Variants in UBE3C observed in about 807,000 individuals in gnomAD.
The protein encoded by UBE3C is ubiquitin-protein ligase E3C.
Under a neutral mutation model 129.4 loss-of-function variants are expected in UBE3C, and 42 were observed. The ratio of observed to expected loss-of-function variants is 0.32; its 90% CI spans 0.25 to 0.42. UBE3C has a LOEUF of 0.42. Ranked by LOEUF, UBE3C falls within the 10% of genes least tolerant of loss-of-function variation. The pLI is 1.00. For missense variants in UBE3C, 1,049 were observed against 1,319.1 expected (o/e 0.80, Z 3.17); for synonymous variants, 510 against 492.4 (o/e 1.04, Z -0.47).
chr7:157,257,338 C>T (rs572587519), intron 22 of UBE3C, among the ~76,000 whole-genome samples: 1 of 152,110 alleles, frequency 6.6e-6, no homozygotes, highest in Non-Finnish European at 1.5e-5. Flanking sequence ...AATAATGTCT[C>T]ATAAATCTGT....
Position 157,160,321 on chromosome 7 carries a change from G to A in UBE3C, c.67-3489G>A, listed in dbSNP as rs185146776. ...AACTCCTGACCTCAGGCGATCTGCC[G>A]GCCTTGGCCTCCCAAAGTACTGGGA... On this transcript the variant is annotated intron_variant, in intron 1 of 22. Coordinates refer to ENST00000348165, the MANE Select transcript of UBE3C (RefSeq NM_014671.3). Among the ~76,000 whole-genome samples, 53 of 152,118 alleles carry A rather than the reference G, an allele frequency of 3.5e-4. 1 individual carries two copies. The highest frequency in any genetic ancestry group is 3.4e-3 in the Middle Eastern group (1 of 294).
intron 6 of UBE3C, among the ~76,000 whole-genome samples, chr7:157,179,111 T>C (rs1296044642): frequency 4.0e-5 from 6 of 151,148 alleles, no homozygotes; most frequent in Non-Finnish European, 8.9e-5. Flanking sequence ...AATTGACATA[T>C]GCTTTCATCA....
chr7:157,184,057 G>A (rs754343076), intron 9 of UBE3C, 28 bp downstream of exon 9: 9 of 1,607,892 alleles, frequency 5.6e-6, no homozygotes, highest in East Asian at 4.5e-5. Flanking sequence ...CATCTGGGGG[G>A]CTGCGATGCA....
intron 2 of UBE3C, among the ~76,000 whole-genome samples, chr7:157,166,215 C>A (rs1023637681): frequency 2.0e-5 from 3 of 152,148 alleles, no homozygotes; most frequent in Non-Finnish European, 2.9e-5. Flanking sequence ...TGGATTATTT[C>A]AAAAGACCTG....
chr7:157,211,862 T>C (rs780756114), intron 13 of UBE3C, among the ~76,000 whole-genome samples: 8 of 152,142 alleles, frequency 5.3e-5, no homozygotes, highest in Non-Finnish European at 8.8e-5. Flanking sequence ...GAAGGAGACA[T>C]GCATTCAGCT....
chr7:157,212,543 CG>C (rs946207200), intron 13 of UBE3C, among the ~76,000 whole-genome samples: 4 of 152,246 alleles, frequency 2.6e-5, no homozygotes, highest in Non-Finnish European at 5.9e-5. Flanking sequence ...TCAAACATAG[CG>C]ATCTTGTGAA....
rs952773422 is a variant in UBE3C at position 157,185,289 on chromosome 7, C to T, written c.1143+1260C>T. 3.9e-5 allele frequency among the ~76,000 whole-genome samples: 6 copies of T among 152,340 alleles called. No homozygotes were observed. In the South Asian group the frequency reaches 8.3e-4, roughly 21 times the overall value. On this transcript the variant is annotated intron_variant, in intron 9 of 22. Transcript: ENST00000348165. ...GGGAAATCACCTGCAGGCTCTCACT[C>T]GTGCTCACACTTTGAACATTTAAGA...
At position 157,174,046 on chromosome 7, in the gene UBE3C, G is replaced by A. The variant is rs180702112; in HGVS notation, c.343-873G>A. Among the ~76,000 whole-genome samples, 544 of 152,278 alleles carry A rather than the reference G, an allele frequency of 3.6e-3. 4 individuals are homozygous for A. Among genetic ancestry groups the A allele is most frequent in the Non-Finnish European group, 5.7e-3 (385 of 68,018 alleles). On this transcript the variant is annotated intron_variant, in intron 4 of 22. Transcript: ENST00000348165. ...ATAGGCAAAGACAAGGCTATGTGGC[G>A]TATTTATGACTAGCTACACTTAAGA...
At chr7:157,254,392 TA>T in intron 21 of UBE3C, 82 bp downstream of exon 21, 1 of 683,366 alleles carries the variant, frequency 1.5e-6, no homozygotes, top group East Asian at 5.0e-5. Flanking sequence ...TTATTTTAAT[TA>T]ATTTATTTAT....
chr7:157,175,964 A>G (rs1414675535), intron 5 of UBE3C, among the ~76,000 whole-genome samples: 2 of 152,116 alleles, frequency 1.3e-5, no homozygotes, highest in Non-Finnish European at 2.9e-5. Flanking sequence ...TTTGCTTACA[A>G]CTCTTTAAAA....
chr7:157,145,303 G>A (rs1807573862), intron 1 of UBE3C, among the ~76,000 whole-genome samples: 1 of 150,076 alleles, frequency 6.7e-6, no homozygotes, highest in Non-Finnish European at 1.5e-5. Flanking sequence ...GTATCACCTG[G>A]AGTCAAGAGT....
At chr7:157,247,096 G>A (rs946776485) in intron 18 of UBE3C, among the ~76,000 whole-genome samples, 16 of 152,116 alleles carry the variant, frequency 1.1e-4, no homozygotes, top group African/African-American at 3.4e-4. Context: ...TCACCATGTC[G>A]GTTGGTCTGG....
intron 2 of UBE3C, among the ~76,000 whole-genome samples, chr7:157,166,347 A>G (rs1808211788): frequency 6.6e-6 from 1 of 152,206 alleles, no homozygotes; most frequent in Non-Finnish European, 1.5e-5. Context: ...CTTTTTAAAA[A>G]TACTTACTCT....
At chr7:157,176,767 G>GT (rs1457231802) in intron 5 of UBE3C, among the ~76,000 whole-genome samples, 2 of 152,092 alleles carry the variant, frequency 1.3e-5, no homozygotes, top group East Asian at 3.9e-4. Flanking sequence ...AGAGATCTTT[G>GT]TTTTCTGTGA....
intron 14 of UBE3C, among the ~76,000 whole-genome samples, chr7:157,218,458 A>T (rs1271316527): frequency 6.6e-6 from 1 of 152,196 alleles, no homozygotes; most frequent in Non-Finnish European, 1.5e-5. Context: ...CAAAAAATAA[A>T]AAAAAAAAAC....
At chr7:157,216,740 T>G in intron 13 of UBE3C, 127 bp from the exon 14 acceptor site, 2 of 699,456 alleles carry the variant, frequency 2.9e-6, no homozygotes, top group African/African-American at 3.6e-5. Flanking sequence ...GTGAGCGGGT[T>G]TGGTGTCCGG....
At chr7:157,179,684 G>A (rs1008413492) in intron 6 of UBE3C, among the ~76,000 whole-genome samples, 13 of 152,190 alleles carry the variant, frequency 8.5e-5, no homozygotes, top group Admixed American at 2.6e-4. Context: ...AGCCGTGGCT[G>A]CAGACAGAAT....
At chr7:157,251,668 C>A (rs1161413779) in intron 19 of UBE3C, among the ~76,000 whole-genome samples, 7 of 152,180 alleles carry the variant, frequency 4.6e-5, no homozygotes, top group Non-Finnish European at 7.3e-5. Context: ...CTCTTGGTAT[C>A]TTGCTGTCCT....
In UBE3C at chr7:157,161,402, G is replaced by A. The variant is rs545851763; in HGVS notation, c.67-2408G>A. On this transcript the variant is annotated intron_variant, in intron 1 of 22. Coordinates refer to ENST00000348165, the MANE Select transcript of UBE3C (RefSeq NM_014671.3). ...TGGACATGTGATGAAGGTTTTTTAT[G>A]TGAAATTTTCTTTGATAGAAAGTAT... is the stretch of plus-strand genomic sequence containing the variant. Among the ~76,000 whole-genome samples, 4 of 151,104 alleles carry A rather than the reference G, an allele frequency of 2.6e-5. No individual in the cohort carries two copies. In the South Asian group the frequency reaches 8.4e-4, roughly 32 times the overall value.
Sources: allele counts gnomAD v4.1 joint callset (sites outside exome capture counted in the v4.1 genomes callset), GRCh38; gene constraint gnomAD v4.1.1; transcripts MANE v1.5; gene names NCBI Gene and HGNC (gene_info 2026-07-23, HGNC 2026-07-21).